The following TSC22D1 variants were observed in gnomAD, a reference collection of about 807,000 sequenced individuals.
The protein encoded by TSC22D1 is TSC22 domain family member 1.
TSC22D1 carries 9 observed loss-of-function variants against 74.2 expected under a neutral mutation model. The observed-to-expected ratio is 0.12, with a 90% CI of 0.07 to 0.21. TSC22D1 has a LOEUF of 0.21. Among genes scored for constraint, TSC22D1 ranks in the 10% least tolerant of loss-of-function variants. The pLI is 1.00. For missense variants in TSC22D1, 1,427 were observed against 1,304.7 expected (o/e 1.09, Z -1.44); for synonymous variants, 586 against 492.5 (o/e 1.19, Z -2.51).
At chr13:44,556,480 A>G (rs1203961431) in intron 1 of TSC22D1, among the ~76,000 whole-genome samples, 1 of 151,626 alleles carries the variant, frequency 6.6e-6, no homozygotes, top group Non-Finnish European at 1.5e-5. Flanking sequence ...CAGGAAGCGG[A>G]GGTTGCAGTG....
chr13:44,487,449 C>T (rs1308639158), intron 1 of TSC22D1, among the ~76,000 whole-genome samples: 5 of 122,548 alleles, frequency 4.1e-5, no homozygotes, highest in African/African-American at 1.2e-4. Flanking sequence ...CAGTGAGCCG[C>T]GATCGTGCCA....
chr13:44,558,723 G>A (rs1441637969), intron 1 of TSC22D1, among the ~76,000 whole-genome samples: 3 of 152,262 alleles, frequency 2.0e-5, no homozygotes, highest in Admixed American at 2.0e-4. Context: ...CTGGGTGACA[G>A]AGCAAGACTC....
chr13:44,555,700 T>C (rs1882594092), intron 1 of TSC22D1, among the ~76,000 whole-genome samples: 2 of 151,982 alleles, frequency 1.3e-5, no homozygotes, highest in Non-Finnish European at 2.9e-5. Context: ...TGTTTACATG[T>C]GGCACCCACC....
At chr13:44,568,148 A>T (rs958309802) in intron 1 of TSC22D1, among the ~76,000 whole-genome samples, 2 of 152,218 alleles carry the variant, frequency 1.3e-5, no homozygotes, top group Non-Finnish European at 2.9e-5. Context: ...GTCAGAGTAA[A>T]CTAAAGCCAT....
chr13:44,517,819 G>GTGTATA (rs1555269384), intron 1 of TSC22D1, among the ~76,000 whole-genome samples: 1 of 30,328 alleles, frequency 3.3e-5, no homozygotes, highest in Non-Finnish European at 6.1e-5. Flanking sequence ...ATATGTGTGT[G>GTGTATA]TGTGTGTGTG....
chr13:44,550,178 A>G (rs900312321), intron 1 of TSC22D1, among the ~76,000 whole-genome samples: 17 of 152,238 alleles, frequency 1.1e-4, no homozygotes, highest in African/African-American at 3.9e-4. Flanking sequence ...TCTAGTTAAC[A>G]TTGTAATAAC....
At chr13:44,522,954 A>G (rs1880384282) in intron 1 of TSC22D1, among the ~76,000 whole-genome samples, 1 of 152,116 alleles carries the variant, frequency 6.6e-6, no homozygotes, top group African/African-American at 2.4e-5. Flanking sequence ...AAAATATACC[A>G]AGAACTCTTA....
At chr13:44,545,427 TAAG>T (rs1003988328) in intron 1 of TSC22D1, among the ~76,000 whole-genome samples, 2 of 152,178 alleles carry the variant, frequency 1.3e-5, no homozygotes, top group Non-Finnish European at 2.9e-5. Flanking sequence ...TTAGTAATTT[TAAG>T]AAGATCTCTA....
At chr13:44,440,687 AGAAG>A (rs796615070) in intron 1 of TSC22D1, among the ~76,000 whole-genome samples, 2 of 152,218 alleles carry the variant, frequency 1.3e-5, no homozygotes, top group African/African-American at 4.8e-5. Context: ...GAGAGAGAAC[AGAAG>A]GAAGAGAATT....
chr13:44,480,863 T>G (rs555065650), intron 1 of TSC22D1, among the ~76,000 whole-genome samples: 1 of 152,354 alleles, frequency 6.6e-6, no homozygotes, highest in South Asian at 2.1e-4. Flanking sequence ...GAAGCTTTCA[T>G]GTGTAACAGG....
At chr13:44,459,046 G>C (rs1158367700) in intron 1 of TSC22D1, among the ~76,000 whole-genome samples, 1 of 152,170 alleles carries the variant, frequency 6.6e-6, no homozygotes, top group Non-Finnish European at 1.5e-5. Flanking sequence ...CTGGGGGCTG[G>C]GCTGCCAGTT....
At position 44,532,857 on chromosome 13, in the gene TSC22D1, T is replaced by G. The variant is rs79661330; in HGVS notation, c.2912+40306A>C. Among the ~76,000 whole-genome samples the G allele has an allele frequency of 1.1e-3, 166 of 152,234 alleles. 2 individuals carry two copies. In the East Asian group the frequency reaches 0.029, roughly 27 times the overall value. On this transcript the variant is annotated intron_variant, in intron 1 of 2. Transcript: ENST00000458659. The stretch of plus-strand genomic sequence containing the variant: ...GGGGATACTTAATATGTAGAAGACT[T>G]GGGCTTGGAATTGATGGGAAATTAA...
chr13:44,545,430 G>A (rs1484848793), intron 1 of TSC22D1, among the ~76,000 whole-genome samples: 3 of 151,936 alleles, frequency 2.0e-5, no homozygotes, highest in Non-Finnish European at 4.4e-5. Flanking sequence ...GTAATTTTAA[G>A]AAGATCTCTA....
intron 1 of TSC22D1, among the ~76,000 whole-genome samples, chr13:44,546,804 GCT>G (rs1342524218): frequency 2.0e-5 from 3 of 149,098 alleles, no homozygotes; most frequent in African/African-American, 4.9e-5. Context: ...TTAGGGTGTG[GCT>G]CTGTCGCCCA....
chr13:44,545,979 A>G (rs943043626), intron 1 of TSC22D1, among the ~76,000 whole-genome samples: 2 of 151,682 alleles, frequency 1.3e-5, no homozygotes, highest in Non-Finnish European at 2.9e-5. Context: ...TCCGTCTCAA[A>G]AAAAAAAATA....
intron 1 of TSC22D1, among the ~76,000 whole-genome samples, chr13:44,462,307 T>G (rs1194577529): frequency 2.0e-5 from 3 of 152,230 alleles, no homozygotes; most frequent in African/African-American, 7.2e-5. Context: ...ACATCTATTT[T>G]ACAAACATTT....
At position 44,434,280 on chromosome 13, in the gene TSC22D1, A is replaced by G; in HGVS notation, c.*346T>C. The G allele has an allele frequency of 7.2e-7, 1 of 1,386,674 alleles. No individual in the cohort carries two copies. The highest frequency in any genetic ancestry group is 9.2e-7 in the Non-Finnish European group (1 of 1,081,260). 85.9% of individuals were successfully genotyped at this position (1,386,674 alleles called of 1,614,324 possible). A position where few individuals can be genotyped will look rare whatever the true frequency, so the allele number is the denominator to read the frequency against. On this transcript the variant is annotated 3_prime_UTR_variant, in exon 3 of 3. Coordinates refer to ENST00000458659, the MANE Select transcript of TSC22D1 (RefSeq NM_183422.4). ...GTAGGACACTAAGCGCAAGCAGGAG[A>G]GAGAACCCTTGGAAGTGAGGGGTAG...
At chr13:44,479,438 CCTACT>C (rs1680520974) in intron 1 of TSC22D1, among the ~76,000 whole-genome samples, 1 of 152,000 alleles carries the variant, frequency 6.6e-6, no homozygotes, top group Non-Finnish European at 1.5e-5. Flanking sequence ...ATTGGACACC[CCTACT>C]CTAAACAGTT....
At chr13:44,538,421 C>CA (rs1215438519) in intron 1 of TSC22D1, 21 of 984,250 alleles carry the variant, frequency 2.1e-5, no homozygotes, top group Admixed American at 1.2e-4. Context: ...TGTCAGGCAA[C>CA]AAAAAAAACC....
Sources: gnomAD v4.1 joint callset for allele counts (sites outside exome capture counted in the v4.1 genomes callset) on GRCh38, gnomAD v4.1.1 for gene constraint, MANE v1.5 for transcripts, NCBI Gene and HGNC (gene_info 2026-07-23, HGNC 2026-07-21) for gene names.